HHAT: variants seen among roughly 807,000 people sequenced by gnomAD.
HHAT encodes protein-cysteine N-palmitoyltransferase HHAT.
A neutral mutation model predicts 70.8 loss-of-function variants in HHAT; 47 were observed. The ratio of observed to expected loss-of-function variants is 0.66; its 90% CI spans 0.53 to 0.85. The LOEUF is 0.85. Ranked by LOEUF, HHAT falls within the 40% of genes least tolerant of loss-of-function variation. The pLI, the probability that HHAT is intolerant of heterozygous loss-of-function variation, is 0.00. For missense variants in HHAT, 609 were observed against 604.8 expected (o/e 1.01, Z -0.07); for synonymous variants, 228 against 247.6 (o/e 0.92, Z 0.74).
At chr1:210,445,071 T>A (rs900051853) in intron 7 of HHAT, among the ~76,000 whole-genome samples, 1 of 152,134 alleles carries the variant, frequency 6.6e-6, no homozygotes, top group Non-Finnish European at 1.5e-5. Context: ...AACTCCTGAC[T>A]GTGTGATCTG....
At chr1:210,609,369 C>T (rs1194275404) in intron 10 of HHAT, among the ~76,000 whole-genome samples, 2 of 151,384 alleles carry the variant, frequency 1.3e-5, no homozygotes, top group Non-Finnish European at 2.9e-5. Flanking sequence ...TTTTATTTTT[C>T]CTTAAATAAA....
intron 8 of HHAT, among the ~76,000 whole-genome samples, chr1:210,505,088 G>A (rs1216466152): frequency 1.2e-4 from 18 of 151,742 alleles, no homozygotes; most frequent in Non-Finnish European, 2.4e-4. Context: ...TAGTAGAGAC[G>A]GGGTTTCACC....
At chr1:210,560,842 A>C (rs866596257) in intron 9 of HHAT, among the ~76,000 whole-genome samples, 239 of 144,418 alleles carry the variant, frequency 1.7e-3, no homozygotes, top group African/African-American at 5.8e-3. Flanking sequence ...AAAAAAAAAA[A>C]AAAAAAAAAC....
chr1:210,659,916 T>C (rs1437787738), intron 11 of HHAT, among the ~76,000 whole-genome samples: 5 of 152,162 alleles, frequency 3.3e-5, no homozygotes, highest in Non-Finnish European at 7.3e-5. Context: ...ATGGAATGTA[T>C]TTCAAAATAA....
chr1:210,453,013 A>G (rs1458724563), intron 7 of HHAT, among the ~76,000 whole-genome samples: 5 of 152,222 alleles, frequency 3.3e-5, no homozygotes, highest in Non-Finnish European at 7.3e-5. Flanking sequence ...TCAGTGTTTA[A>G]GTACCAACTG....
intron 11 of HHAT, among the ~76,000 whole-genome samples, chr1:210,626,818 TA>T (rs539474029): frequency 3.3e-5 from 5 of 152,156 alleles, no homozygotes; most frequent in African/African-American, 9.7e-5. Context: ...TTTCTAAAGT[TA>T]AAAAAATCTG....
At chr1:210,564,972 A>G (rs1168995649) in intron 9 of HHAT, among the ~76,000 whole-genome samples, 1 of 152,178 alleles carries the variant, frequency 6.6e-6, no homozygotes, top group Non-Finnish European at 1.5e-5. Context: ...GTTGTGGATG[A>G]AAGAAAGACA....
intron 3 of HHAT, among the ~76,000 whole-genome samples, chr1:210,366,702 C>T (rs146720613): frequency 3.8e-4 from 58 of 152,254 alleles, no homozygotes; most frequent in Admixed American, 1.3e-3. Flanking sequence ...AAAAATCATC[C>T]CCTTTTAAGA....
chr1:210,567,660 C>T (rs908883345), intron 9 of HHAT, among the ~76,000 whole-genome samples: 7 of 152,060 alleles, frequency 4.6e-5, no homozygotes, highest in Non-Finnish European at 8.8e-5. Flanking sequence ...TTTAGATCAT[C>T]GTGTACAATC....
intron 3 of HHAT, among the ~76,000 whole-genome samples, chr1:210,375,764 C>A (rs776598602): frequency 6.7e-6 from 1 of 150,176 alleles, no homozygotes; most frequent in Admixed American, 6.6e-5. Flanking sequence ...ATCTTTTGTT[C>A]TTATATCAAG....
chr1:210,560,117 C>A (rs1018930384), intron 9 of HHAT, among the ~76,000 whole-genome samples: 1 of 152,174 alleles, frequency 6.6e-6, no homozygotes, highest in Non-Finnish European at 1.5e-5. Flanking sequence ...CAAATGAAAA[C>A]CCTCAGTCCT....
rs1177468677 is a variant in HHAT, at chr1:210,502,383, CA to C, written c.1008-10751del. On this transcript the variant is annotated intron_variant, in intron 8 of 11. Coordinates refer to ENST00000261458, the MANE Select transcript of HHAT (RefSeq NM_018194.6). Reference sequence around the variant, plus strand: ...TGGGCAAAAGAGCAAGACTCAGTCTCAAAAAAAAAAAAAAAAAAATCTTTCC... The same window carrying C: ...TGGGCAAAAGAGCAAGACTCAGTCTCAAAAAAAAAAAAAAAAAATCTTTCC... Among the ~76,000 whole-genome samples the C allele has an allele frequency of 6.8e-3, 593 of 87,008 alleles. 5 individuals are homozygous for C. The highest frequency in any genetic ancestry group is 0.021 in the African/African-American group (504 of 23,478). 57.1% of individuals were successfully genotyped at this position (87,008 alleles called of 152,430 possible).
intron 9 of HHAT, among the ~76,000 whole-genome samples, chr1:210,546,073 C>T (rs2095480862): frequency 6.6e-6 from 1 of 152,332 alleles, no homozygotes; most frequent in Middle Eastern, 3.4e-3. Context: ...TTAGTCTAAG[C>T]ATCCCTTTAG....
At chr1:210,529,365 T>C (rs7551813) in intron 9 of HHAT, among the ~76,000 whole-genome samples, 28,355 of 151,456 alleles carry the variant, frequency 0.19, 3,264 homozygotes, top group Middle Eastern at 0.28. Context: ...TAAGCTGATG[T>C]ACATCAGACA....
intron 1 of HHAT, among the ~76,000 whole-genome samples, chr1:210,345,478 C>T (rs1571750813): frequency 4.6e-5 from 7 of 152,158 alleles, no homozygotes; most frequent in Admixed American, 4.6e-4. Context: ...GTTTAACCGA[C>T]CACCATCACA....
At chr1:210,508,002 A>AT (rs1370463353) in intron 8 of HHAT, among the ~76,000 whole-genome samples, 3 of 151,906 alleles carry the variant, frequency 2.0e-5, no homozygotes, top group Non-Finnish European at 4.4e-5. Context: ...GATCAAGACC[A>AT]TTCTGGCTCA....
At chr1:210,369,572 C>A (rs534376533) in intron 3 of HHAT, 1 of 152,214 alleles carries the variant, frequency 6.6e-6, no homozygotes, top group Non-Finnish European at 1.5e-5. Flanking sequence ...AAATGCACAC[C>A]TGCTGTGTAA....
rs571826386 is a variant in HHAT at position 210,328,985 on chromosome 1, C to G, written c.-163C>G. On this transcript the variant is annotated 5_prime_UTR_variant, in exon 1 of 12. Coordinates refer to ENST00000261458, the MANE Select transcript of HHAT (RefSeq NM_018194.6). ...AGCTCCGGGGGAAAGAGGGTGGCGTCCCGGGGAAGCCCGCAGCCGCCGCCG... is the reference window on the plus strand; with the variant it reads ...AGCTCCGGGGGAAAGAGGGTGGCGTGCCGGGGAAGCCCGCAGCCGCCGCCG... 7.4e-7 allele frequency: 1 copy of G among 1,348,036 alleles called. No homozygotes were observed. Among genetic ancestry groups the G allele is most frequent in the East Asian group, 3.1e-5 (1 of 32,170 alleles). 83.5% of individuals were successfully genotyped at this position (1,348,036 alleles called of 1,614,324 possible). A position where few individuals can be genotyped will look rare whatever the true frequency, so the allele number is the denominator to read the frequency against.
chr1:210,633,269 G>A (rs568401660), intron 11 of HHAT, among the ~76,000 whole-genome samples: 2 of 152,328 alleles, frequency 1.3e-5, no homozygotes, highest in South Asian at 4.1e-4. Context: ...CACTTCAAAT[G>A]TTCAGGTCCA....
Sources: allele counts gnomAD v4.1 joint callset (sites outside exome capture counted in the v4.1 genomes callset), GRCh38; gene constraint gnomAD v4.1.1; transcripts MANE v1.5; gene names NCBI Gene and HGNC (gene_info 2026-07-23, HGNC 2026-07-21).